The following ZNF365 variants were observed in gnomAD, a reference collection of about 807,000 sequenced individuals.
ZNF365 encodes protein ZNF365.
ZNF365 carries 22 observed loss-of-function variants against 35.0 expected under a neutral mutation model. That is an observed-to-expected ratio of 0.63 (90% CI 0.45 to 0.90). The LOEUF is 0.90. Ranked by LOEUF, ZNF365 falls within the 40% of genes least tolerant of loss-of-function variation. The pLI is 0.00. For missense variants in ZNF365, 448 were observed against 500.3 expected (o/e 0.90, Z 1.00); for synonymous variants, 188 against 196.2 (o/e 0.96, Z 0.35).
At chr10:62,398,621 G>A (rs1379657003) in intron 3 of ZNF365, 119 bp from the exon 4 acceptor site, 5 of 830,676 alleles carry the variant, frequency 6.0e-6, no homozygotes, top group Non-Finnish European at 3.9e-6. Context: ...CGTGCTACCA[G>A]TAGCAGTCAC....
chr10:62,443,483 T>C (rs1414368969), intron 3 of ZNF365, among the ~76,000 whole-genome samples: 1 of 152,308 alleles, frequency 6.6e-6, no homozygotes, highest in East Asian at 1.9e-4. Flanking sequence ...AGTTCCCTGG[T>C]TCGGAGCAGT....
chr10:62,471,751 A>T (rs1347911335), intron 4 of ZNF365, among the ~76,000 whole-genome samples: 9 of 152,188 alleles, frequency 5.9e-5, no homozygotes, highest in Non-Finnish European at 5.9e-5. Context: ...TACAAGTCAC[A>T]CTCATAACGT....
chr10:62,423,643 C>T (rs1241701151), intron 3 of ZNF365, among the ~76,000 whole-genome samples: 1 of 152,054 alleles, frequency 6.6e-6, no homozygotes, highest in African/African-American at 2.4e-5. Context: ...AAAATCCTTG[C>T]TATGAGGGTA....
In ZNF365 at chr10:62,422,531, C is replaced by T. The variant is rs571895386; in HGVS notation, c.924+33955C>T. On this transcript the variant is annotated intron_variant, in intron 3 of 4. Coordinates refer to the ZNF365 transcript ENST00000395255. ...TATTTAGACCTAATGACCAAGCAGA[C>T]CCAATGATGCACAACATGTCTATGG... Among the ~76,000 whole-genome samples the T allele has an allele frequency of 2.0e-5, 3 of 152,198 alleles. No individual in the cohort carries two copies. The East Asian group carries it at 5.8e-4, about 29-fold the overall frequency.
chr10:62,375,106 G>C (rs1335055304), intron 1 of ZNF365, among the ~76,000 whole-genome samples: 1 of 152,122 alleles, frequency 6.6e-6, no homozygotes, highest in Non-Finnish European at 1.5e-5. Flanking sequence ...CCCTCATTTC[G>C]GGTCCAATGC....
intron 4 of ZNF365, among the ~76,000 whole-genome samples, chr10:62,475,444 AT>A (rs1208009150): frequency 3.3e-5 from 5 of 152,208 alleles, no homozygotes; most frequent in Non-Finnish European, 5.9e-5. Flanking sequence ...ATAAAATAAA[AT>A]TAAATTAAAA....
chr10:62,447,240 G>A (rs1482523207), intron 3 of ZNF365, among the ~76,000 whole-genome samples: 14 of 152,098 alleles, frequency 9.2e-5, no homozygotes, highest in Non-Finnish European at 2.9e-5. Context: ...TCTCTTGGCA[G>A]GGAGGAAAAG....
rs1057323482 is a variant in ZNF365 at position 62,435,548 on chromosome 10, G to A, written c.925-24193G>A. The stretch of plus-strand genomic sequence containing the variant: ...TTCAGGAGATTAAAGGATAACACTC[G>A]GCCAATAATAGCAAGATACCATAGA... On this transcript the variant is annotated intron_variant, in intron 3 of 4. Transcript: ENST00000395255. Among the ~76,000 whole-genome samples, 9 of 152,040 alleles carry A rather than the reference G, an allele frequency of 5.9e-5. No homozygotes were observed. The East Asian group carries it at 9.6e-4, about 16-fold the overall frequency.
chr10:62,375,271 C>G (rs1245546965), intron 1 of ZNF365, among the ~76,000 whole-genome samples: 1 of 152,124 alleles, frequency 6.6e-6, no homozygotes, highest in Non-Finnish European at 1.5e-5. Context: ...ATGCTGATAC[C>G]TACCTGGTTC....
At chr10:62,456,327 C>T (rs1455099096) in intron 3 of ZNF365, among the ~76,000 whole-genome samples, 1 of 152,102 alleles carries the variant, frequency 6.6e-6, no homozygotes, top group Non-Finnish European at 1.5e-5. Context: ...TTCCCATGAT[C>T]ATCTCCATAA....
At position 62,400,454 on chromosome 10, in the gene ZNF365, T is replaced by G; in HGVS notation, c.*665T>G. 1 of 986,088 alleles carries G rather than the reference T, an allele frequency of 1.0e-6. No homozygotes were observed. Among genetic ancestry groups the G allele is most frequent in the South Asian group, 4.7e-5 (1 of 21,294 alleles). The allele number at this position is 986,088 out of a possible 1,614,324, so 61.1% of individuals were successfully genotyped here. A position where few individuals can be genotyped will look rare whatever the true frequency, so the allele number is the denominator to read the frequency against. On this transcript the variant is annotated 3_prime_UTR_variant, in exon 5 of 5. Coordinates refer to ENST00000395254, the MANE Select transcript of ZNF365 (RefSeq NM_014951.3). The stretch of plus-strand genomic sequence containing the variant: ...TGGCCTAGATGCATGTTTATTCAGA[T>G]TTTGGTACACCTCTGCCGTCTTCTT...
exon 5 of ZNF365, chr10:62,480,266 A>G: frequency 1.0e-6 from 1 of 1,002,160 alleles, no homozygotes; most frequent in Non-Finnish European, 1.2e-6. Flanking sequence ...GTTGTTAAAT[A>G]AAAAATAGTT....
At chr10:62,393,658 A>G (rs1029379073) in intron 3 of ZNF365, among the ~76,000 whole-genome samples, 1 of 152,264 alleles carries the variant, frequency 6.6e-6, no homozygotes, top group African/African-American at 2.4e-5. Context: ...ATCCATATAT[A>G]CATACACAAA....
intron 3 of ZNF365, among the ~76,000 whole-genome samples, chr10:62,427,543 GA>G (rs1395504630): frequency 6.6e-6 from 1 of 152,164 alleles, no homozygotes; most frequent in African/African-American, 2.4e-5. Flanking sequence ...GACTTACACA[GA>G]AAAGGAAAAA....
chr10:62,459,002 T>C (rs1276275053), intron 3 of ZNF365, among the ~76,000 whole-genome samples: 1 of 152,188 alleles, frequency 6.6e-6, no homozygotes, highest in Non-Finnish European at 1.5e-5. Context: ...AAATGACCCA[T>C]GAAAGAAATG....
intron 3 of ZNF365, among the ~76,000 whole-genome samples, chr10:62,397,226 A>G (rs979642905): frequency 6.6e-6 from 1 of 152,222 alleles, no homozygotes; most frequent in Non-Finnish European, 1.5e-5. Flanking sequence ...TTGTGTCAAA[A>G]GACAGAACAC....
chr10:62,376,346 C>T lies in ZNF365; in HGVS notation c.153C>T (p.His51=), dbSNP rs142339866. The part of the protein sequence containing the change: ...SSLRAHLEFS[H]SYEERTLLTK... ...TGAGGGCCCATCTGGAGTTCAGTCA[C>T]AGCTACGAAGAAAGAACCCTCTTGA... The change falls in exon 2 of 5, where the codon CAC becomes CAT. Residue 51 remains histidine (H), a synonymous_variant. Coordinates refer to ENST00000395254, the MANE Select transcript of ZNF365 (RefSeq NM_014951.3). The T allele has an allele frequency of 5.9e-5, 96 of 1,614,060 alleles. No individual in the cohort carries two copies. The African/African-American group carries it at 1.1e-3, about 19-fold the overall frequency.
Position 62,400,687 on chromosome 10 carries a change from G to A in ZNF365, c.*898G>A. On this transcript the variant is annotated 3_prime_UTR_variant, in exon 5 of 5. Transcript: ENST00000395254. ...CTGGAAGCACTGCGGGTGTCGCCAA[G>A]CCCTTTCCTAAGACCTGCTTCCCGG... 3 of 985,670 alleles carry A rather than the reference G, an allele frequency of 3.0e-6. No homozygotes were observed. Among genetic ancestry groups the A allele is most frequent in the Non-Finnish European group, 3.6e-6 (3 of 830,036 alleles). 61.1% of individuals were successfully genotyped at this position (985,670 alleles called of 1,614,324 possible).
At chr10:62,468,605 G>A (rs1840982607) in intron 4 of ZNF365, among the ~76,000 whole-genome samples, 2 of 152,122 alleles carry the variant, frequency 1.3e-5, no homozygotes, top group Non-Finnish European at 2.9e-5. Flanking sequence ...AAGTTTATGA[G>A]GACAATGCCC....
Sources: gnomAD v4.1 joint callset for allele counts (sites outside exome capture counted in the v4.1 genomes callset) on GRCh38, gnomAD v4.1.1 for gene constraint, MANE v1.5 for transcripts, NCBI Gene and HGNC (gene_info 2026-07-23, HGNC 2026-07-21) for gene names.